Variants in FYB2 observed in about 807,000 individuals in gnomAD.
FYB2 encodes FYN-binding protein 2.
In FYB2, 103 loss-of-function variants were observed where a neutral mutation model predicts 94.1. That is an observed-to-expected ratio of 1.09 (90% CI 0.93 to 1.29). FYB2 has a LOEUF of 1.29. Ranked by LOEUF, FYB2 falls within the 50% of genes most tolerant of loss-of-function variation. The probability of loss-of-function intolerance (pLI) is 0.00; values close to 1 mark genes in which losing one functional copy is unlikely to be tolerated. For synonymous variants in FYB2, 293 were observed against 287.9 expected, an observed-to-expected ratio of 1.02 and a Z score of -0.18; for missense variants, 896 against 841.5, an observed-to-expected ratio of 1.06 and a Z score of -0.80.
At chr1:56,780,593 G>A (rs2100895229) in intron 4 of FYB2, among the ~76,000 whole-genome samples, 1 of 152,338 alleles carries the variant, frequency 6.6e-6, no homozygotes, top group South Asian at 2.1e-4. Flanking sequence ...CATGGTCAGA[G>A]AGCGCACAAA....
At chr1:56,797,789 G>A (rs150318846) in intron 1 of FYB2, among the ~76,000 whole-genome samples, 270 of 152,276 alleles carry the variant, frequency 1.8e-3, no homozygotes, top group Middle Eastern at 0.014. Context: ...TAACAGGTTT[G>A]AGTATCTGCA....
At chr1:56,788,173 A>C (rs1397480056) in intron 3 of FYB2, among the ~76,000 whole-genome samples, 1 of 152,200 alleles carries the variant, frequency 6.6e-6, no homozygotes, top group Non-Finnish European at 1.5e-5. Flanking sequence ...CTCAAGTTTG[A>C]GAATCATGAA....
intron 16 of FYB2, 145 bp downstream of exon 16, chr1:56,726,352 G>A (rs1644582874): frequency 3.0e-6 from 2 of 662,434 alleles, no homozygotes; most frequent in Non-Finnish European, 2.6e-6. Flanking sequence ...CCTCTCAACT[G>A]TACCATGATG....
chr1:56,801,514 T>C (rs2101028451), intron 1 of FYB2, among the ~76,000 whole-genome samples: 1 of 152,302 alleles, frequency 6.6e-6, no homozygotes, highest in South Asian at 2.1e-4. Context: ...CACTTTGGCC[T>C]CATTTCTGAT....
intron 7 of FYB2, among the ~76,000 whole-genome samples, chr1:56,755,613 T>C (rs1455465833): frequency 1.3e-5 from 2 of 152,024 alleles, no homozygotes; most frequent in African/African-American, 4.8e-5. Flanking sequence ...AATAGCGAGG[T>C]CTCCATCACT....
chr1:56,735,223 A>G (rs1644804716), intron 15 of FYB2, among the ~76,000 whole-genome samples: 1 of 152,152 alleles, frequency 6.6e-6, no homozygotes, highest in African/African-American at 2.4e-5. Flanking sequence ...TCCAACATCA[A>G]ATGAATGGTA....
chr1:56,778,951 C>G (rs912707170), intron 4 of FYB2, among the ~76,000 whole-genome samples: 1 of 152,070 alleles, frequency 6.6e-6, no homozygotes. Flanking sequence ...AAAATGAATT[C>G]TGCATGACGA....
At chr1:56,750,055 G>A (rs78435119) in intron 9 of FYB2, among the ~76,000 whole-genome samples, 6 of 151,816 alleles carry the variant, frequency 4.0e-5, no homozygotes, top group Non-Finnish European at 5.9e-5. Context: ...CTGTGTGCTC[G>A]ATACTTAGCC....
At chr1:56,796,484 A>G (rs987617304) in intron 1 of FYB2, among the ~76,000 whole-genome samples, 2 of 152,118 alleles carry the variant, frequency 1.3e-5, no homozygotes, top group Non-Finnish European at 2.9e-5. Context: ...TGACTTCTTG[A>G]TGGACTCTCT....
intron 4 of FYB2, 71 bp downstream of exon 4, chr1:56,787,104 C>T: frequency 6.5e-7 from 1 of 1,533,690 alleles, no homozygotes; most frequent in Middle Eastern, 1.7e-4. Context: ...TGCTAATTGC[C>T]TGCTCTGGAG....
chr1:56,812,080 T>G (rs1463028282), intron 1 of FYB2, among the ~76,000 whole-genome samples: 1 of 152,228 alleles, frequency 6.6e-6, no homozygotes, highest in Non-Finnish European at 1.5e-5. Flanking sequence ...TTGGAGAATT[T>G]TGATTATATC....
chr1:56,793,145 TATAAAA>T (rs1443037429), intron 1 of FYB2, among the ~76,000 whole-genome samples: 2 of 152,126 alleles, frequency 1.3e-5, no homozygotes, highest in African/African-American at 2.4e-5. Flanking sequence ...CCCCACAACC[TATAAAA>T]ATAAATTCCA....
intron 15 of FYB2, among the ~76,000 whole-genome samples, chr1:56,733,250 T>A (rs1644751500): frequency 6.6e-6 from 1 of 152,152 alleles, no homozygotes; most frequent in African/African-American, 2.4e-5. Context: ...GATGGTAGTT[T>A]GTATTTCTGT....
At chr1:56,801,012 T>C (rs1646507283) in intron 1 of FYB2, among the ~76,000 whole-genome samples, 1 of 152,098 alleles carries the variant, frequency 6.6e-6, no homozygotes, top group African/African-American at 2.4e-5. Context: ...ACGAAGCTGG[T>C]CTGTTAACAA....
chr1:56,773,763 AAC>A lies in FYB2; in HGVS notation c.954-5827_954-5826del, dbSNP rs1427095421. Among the ~76,000 whole-genome samples the A allele has an allele frequency of 2.0e-5, 3 of 152,176 alleles. No homozygotes were observed. In the East Asian group the frequency reaches 5.8e-4, roughly 29 times the overall value. ...TGTATATTTATTTTGTTAGGTTGAA[AAC>A]ACAGTTTCTTCCACTTAATATTTCA... On this transcript the variant is annotated intron_variant, in intron 4 of 19. Transcript: ENST00000343433.
At chr1:56,741,041 A>C (rs1644941008) in intron 12 of FYB2, among the ~76,000 whole-genome samples, 1 of 152,078 alleles carries the variant, frequency 6.6e-6, no homozygotes, top group Non-Finnish European at 1.5e-5. Context: ...GGTAATGGGT[A>C]GACTAGAAGC....
intron 1 of FYB2, among the ~76,000 whole-genome samples, chr1:56,804,002 T>A (rs1335449415): frequency 6.6e-6 from 1 of 152,206 alleles, no homozygotes; most frequent in Non-Finnish European, 1.5e-5. Context: ...CCTGCCCCAC[T>A]GAAATAGAAG....
intron 15 of FYB2, among the ~76,000 whole-genome samples, chr1:56,727,259 T>C (rs1366313604): frequency 1.3e-5 from 2 of 152,098 alleles, no homozygotes; most frequent in African/African-American, 4.8e-5. Context: ...TGGATAATCA[T>C]AGTGGTATGA....
intron 16 of FYB2, 32 bp downstream of exon 16, chr1:56,726,464 TA>T: frequency 6.3e-7 from 1 of 1,578,994 alleles, no homozygotes; most frequent in Non-Finnish European, 8.6e-7. Context: ...TTGCAGCAGA[TA>T]AGCTATAATA....
Sources: allele counts gnomAD v4.1 joint callset (sites outside exome capture counted in the v4.1 genomes callset), GRCh38; gene constraint gnomAD v4.1.1; transcripts MANE v1.5; gene names NCBI Gene and HGNC (gene_info 2026-07-23, HGNC 2026-07-21).